Variants in SCN2A observed in about 807,000 individuals in gnomAD.
The protein encoded by SCN2A is sodium channel protein type 2 subunit alpha.
A neutral mutation model predicts 188.7 loss-of-function variants in SCN2A; 20 were observed. The ratio of observed to expected loss-of-function variants is 0.11; its 90% CI spans 0.07 to 0.15. The LOEUF is 0.15. Among genes scored for constraint, SCN2A ranks in the 10% least tolerant of loss-of-function variants. The pLI is 1.00. For synonymous variants in SCN2A, 804 were observed against 833.1 expected (o/e 0.97, Z 0.60); for missense variants, 1,278 against 2,445.0 (o/e 0.52, Z 10.07).
At chr2:165,309,026 T>C in intron 5 of SCN2A, 1 of 1,100,960 alleles carries the variant, frequency 9.1e-7, no homozygotes, top group Non-Finnish European at 1.3e-6. Flanking sequence ...TAACAGAGAT[T>C]ATGATTGATG....
chr2:165,380,161 A>C (rs1413194731), intron 23 of SCN2A, among the ~76,000 whole-genome samples: 7 of 151,866 alleles, frequency 4.6e-5, no homozygotes, highest in Non-Finnish European at 4.4e-5. Context: ...CCACACTATG[A>C]GGTTTAAGTT....
In SCN2A at chr2:165,365,229, G is replaced by A. The variant is rs1427680081; in HGVS notation, c.3486G>A (p.Glu1162=). Residue 1162 remains glutamate (E), a synonymous_variant, in exon 18 of 27, where the codon GAG becomes GAA. Transcript: ENST00000375437. ...AEGEQPEVEP[E]ESLEPEACFT... ...GAGAACAGCCTGAGGTTGAACCTGA[G>A]GAATCCCTTGAACCTGAAGCCTGTT... 3.0e-5 allele frequency: 49 copies of A among 1,613,848 alleles called. No individual in the cohort carries two copies. Among genetic ancestry groups the A allele is most frequent in the Non-Finnish European group, 4.1e-5 (48 of 1,179,940 alleles).
At chr2:165,344,396 T>C (rs974245637) in intron 15 of SCN2A, among the ~76,000 whole-genome samples, 159 bp from the exon 16 acceptor site, 2 of 151,974 alleles carry the variant, frequency 1.3e-5, no homozygotes, top group Non-Finnish European at 2.9e-5. Flanking sequence ...CCTGTGTCCA[T>C]GTGACTAACC....
chr2:165,390,349 T>A lies in SCN2A; in HGVS notation c.*525T>A, dbSNP rs1702078736. Reference sequence around the variant, plus strand: ...GGGAGGGAATTCTACATTTCTCTATTGTATTGTATAACTGGATATATTTTA... The same window carrying A: ...GGGAGGGAATTCTACATTTCTCTATAGTATTGTATAACTGGATATATTTTA... On this transcript the variant is annotated 3_prime_UTR_variant, in exon 27 of 27. Transcript: ENST00000375437. The A allele has an allele frequency of 6.3e-6, 1 of 159,830 alleles. No individual in the cohort carries two copies. The highest frequency in any genetic ancestry group is 2.4e-5 in the African/African-American group (1 of 41,460). 9.9% of individuals were successfully genotyped at this position (159,830 alleles called of 1,614,324 possible). A position where few individuals can be genotyped will look rare whatever the true frequency, so the allele number is the denominator to read the frequency against.
At chr2:165,352,792 G>A (rs1699993512) in intron 16 of SCN2A, among the ~76,000 whole-genome samples, 1 of 152,066 alleles carries the variant, frequency 6.6e-6, no homozygotes, top group African/African-American at 2.4e-5. Context: ...TCATTCTCAA[G>A]ACTTGTCATT....
At chr2:165,267,653 C>T (rs1255778174) in intron 1 of SCN2A, 4 of 151,782 alleles carry the variant, frequency 2.6e-5, no homozygotes, top group Non-Finnish European at 5.9e-5. Context: ...AATGAAAAGA[C>T]AACCTACAGA....
chr2:165,313,592 T>C, intron 8 of SCN2A, 28 bp from the exon 9 acceptor site: 1 of 1,612,782 alleles, frequency 6.2e-7, no homozygotes, highest in Non-Finnish European at 8.5e-7. Flanking sequence ...GTTATTGACT[T>C]CCTTTCTTTC....
chr2:165,367,516 G>A, intron 19 of SCN2A, 145 bp downstream of exon 19: 1 of 986,236 alleles, frequency 1.0e-6, no homozygotes, highest in South Asian at 1.4e-5. Flanking sequence ...CATATGAGAG[G>A]CTTAGTAAAT....
chr2:165,273,466 C>A lies in SCN2A; in HGVS notation c.-51-22307C>A, dbSNP rs73023711. 179 of 152,258 alleles carry A rather than the reference C, an allele frequency of 1.2e-3. 1 individual carries two copies. Among genetic ancestry groups the A allele is most frequent in the African/African-American group, 4.0e-3 (168 of 41,568 alleles). The allele number at this position is 152,258 out of a possible 1,614,324, so 9.4% of individuals were successfully genotyped here. On this transcript the variant is annotated intron_variant, in intron 1 of 26. Transcript: ENST00000375437. ...AGTGCCAACACAAAGAAAAAACACA[C>A]TCAAGATCTTTTTTATAAAGTAGGG...
intron 1 of SCN2A, chr2:165,267,948 T>C (rs1330445693): frequency 6.6e-6 from 1 of 151,916 alleles, no homozygotes; most frequent in African/African-American, 2.4e-5. Flanking sequence ...GAACAAAAGA[T>C]AAGCGTTGGT....
At chr2:165,309,483 A>G (rs112639117) in intron 6 of SCN2A, 40 bp downstream of exon 6, 1 of 1,610,206 alleles carries the variant, frequency 6.2e-7, no homozygotes, top group South Asian at 1.1e-5. Flanking sequence ...CTTTAGCTAC[A>G]GTGGTGCTAC....
chr2:165,289,405 C>T (rs1281849971), intron 1 of SCN2A, among the ~76,000 whole-genome samples: 5 of 151,800 alleles, frequency 3.3e-5, no homozygotes, highest in African/African-American at 1.2e-4. Flanking sequence ...TTTAGAATCC[C>T]AATTCTTAAG....
At chr2:165,293,953 T>G in intron 1 of SCN2A, 1 of 973,390 alleles carries the variant, frequency 1.0e-6, no homozygotes, top group Non-Finnish European at 1.2e-6. Flanking sequence ...TGCCTCTTCT[T>G]ACTTCAGTTA....
rs574064097 is a variant in SCN2A, at chr2:165,260,553, G to A, written c.-52+20913G>A. On this transcript the variant is annotated intron_variant, in intron 1 of 26. Coordinates refer to ENST00000375437, the MANE Select transcript of SCN2A (RefSeq NM_001040142.2). ...TTAAGGGCCCTAGGATTTTTGGAATGGTAAATGAGCACTGGCTTCAACTGA... is the reference window on the plus strand; with the variant it reads ...TTAAGGGCCCTAGGATTTTTGGAATAGTAAATGAGCACTGGCTTCAACTGA... 1.3e-5 allele frequency among the ~76,000 whole-genome samples: 2 copies of A among 152,162 alleles called. 1 individual carries two copies. The highest frequency in any genetic ancestry group is 4.8e-5 in the African/African-American group (2 of 41,538).
At chr2:165,278,631 G>A (rs1404906500) in intron 1 of SCN2A, among the ~76,000 whole-genome samples, 1 of 152,146 alleles carries the variant, frequency 6.6e-6, no homozygotes, top group Non-Finnish European at 1.5e-5. Context: ...GGGTTGGTAA[G>A]AGGGAAGACT....
chr2:165,319,391 A>C (rs1039461511), intron 11 of SCN2A, among the ~76,000 whole-genome samples: 9 of 152,226 alleles, frequency 5.9e-5, no homozygotes, highest in African/African-American at 1.7e-4. Context: ...TAATGAATAG[A>C]ATCACATAAG....
At chr2:165,331,009 T>C (rs1419474605) in intron 13 of SCN2A, among the ~76,000 whole-genome samples, 2 of 152,206 alleles carry the variant, frequency 1.3e-5, no homozygotes, top group Non-Finnish European at 2.9e-5. Flanking sequence ...GGAACATGGA[T>C]GAGCTTTAAG....
intron 6 of SCN2A, among the ~76,000 whole-genome samples, chr2:165,309,990 A>C (rs1476668921): frequency 6.6e-6 from 1 of 152,182 alleles, no homozygotes; most frequent in Non-Finnish European, 1.5e-5. Context: ...GTTAGGGAGT[A>C]AGACATCTGC....
chr2:165,259,519 T>A (rs943245863), intron 1 of SCN2A, among the ~76,000 whole-genome samples: 3 of 152,234 alleles, frequency 2.0e-5, no homozygotes, highest in Admixed American at 2.0e-4. Flanking sequence ...TCCTTTGTTA[T>A]CATTTCACAA....
Sources: allele counts gnomAD v4.1 joint callset (sites outside exome capture counted in the v4.1 genomes callset), GRCh38; gene constraint gnomAD v4.1.1; transcripts MANE v1.5; gene names NCBI Gene and HGNC (gene_info 2026-07-23, HGNC 2026-07-21).